The following EPX variants were observed in gnomAD, a reference collection of about 807,000 sequenced individuals.
EPX encodes eosinophil peroxidase.
EPX carries 60 observed loss-of-function variants against 73.0 expected under a neutral mutation model. The observed-to-expected ratio is 0.82, with a 90% CI of 0.67 to 1.02. The LOEUF is 1.02. Among genes scored for constraint, EPX ranks in the 50% least tolerant of loss-of-function variants. The pLI is 0.00. For synonymous variants in EPX, 347 were observed against 389.2 expected (o/e 0.89, Z 1.28); for missense variants, 950 against 973.9 (o/e 0.98, Z 0.33).
rs1242580430 is a variant in EPX, at chr17:58,199,795, G to C, written c.1537+1G>C. The C allele has an allele frequency of 6.2e-7, 1 of 1,609,480 alleles. No homozygotes were observed. ...GCCAGCTGGCGGATCGTGTATGAAG[G>C]TGACCAGGTTTTCCAGGGGGCAAAT... On this transcript the variant is annotated splice_donor_variant, in intron 9 of 12. Coordinates refer to ENST00000225371, the MANE Select transcript of EPX (RefSeq NM_000502.6). LOFTEE classifies it high-confidence loss of function.
At chr17:58,199,393 G>T in intron 8 of EPX, 146 bp from the exon 9 acceptor site, 1 of 1,120,252 alleles carries the variant, frequency 8.9e-7, no homozygotes, top group South Asian at 1.3e-5. Flanking sequence ...CCCTCTCTGG[G>T]CTTTGTATCT....
chr17:58,200,125 C>A, intron 9 of EPX, 100 bp from the exon 10 acceptor site: 1 of 1,152,584 alleles, frequency 8.7e-7, no homozygotes, highest in Non-Finnish European at 1.3e-6. Context: ...ACATACCCGA[C>A]TGGCTTGTCC....
In EPX at chr17:58,194,659, C is replaced by A. The variant is rs552079916; in HGVS notation, c.595-305C>A. Among the ~76,000 whole-genome samples the A allele has an allele frequency of 1.3e-4, 20 of 152,324 alleles. 1 individual carries two copies. In the East Asian group the frequency reaches 3.3e-3, roughly 25 times the overall value. On this transcript the variant is annotated intron_variant, in intron 5 of 12. Transcript: ENST00000225371. Reference sequence around the variant, plus strand: ...TATCATCTGGTTAGCTATCAGTGTACAAATTGATCTATCTATTTGATCTCC... The same window carrying A: ...TATCATCTGGTTAGCTATCAGTGTAAAAATTGATCTATCTATTTGATCTCC...
At position 58,200,315 on chromosome 17, in the gene EPX, G is replaced by C. The variant is rs189235341; in HGVS notation, c.1628G>C (p.Arg543Pro). ...ATGTTAGTGGATGAGCTCCGGGACCGGCTGTTTCGGCAAGTGAGGAGGATT... is the reference window on the plus strand; with the variant it reads ...ATGTTAGTGGATGAGCTCCGGGACCCGCTGTTTCGGCAAGTGAGGAGGATT... ...DAMLVDELRD[R>P]LFRQVRRIGL... is the part of the protein sequence containing the mutation. The change falls in exon 10 of 13, where the codon CGG becomes CCG. Residue 543 changes from arginine (R) to proline (P), a missense_variant. By Grantham distance (103) the Arg-to-Pro change is moderately radical. Coordinates refer to ENST00000225371, the MANE Select transcript of EPX (RefSeq NM_000502.6). 5 of 1,614,078 alleles carry C rather than the reference G, an allele frequency of 3.1e-6. No homozygotes were observed. Among genetic ancestry groups the C allele is most frequent in the Non-Finnish European group, 4.2e-6 (5 of 1,180,042 alleles).
chr17:58,203,729 G>A (rs996829007), intron 11 of EPX, among the ~76,000 whole-genome samples: 8 of 151,662 alleles, frequency 5.3e-5, no homozygotes, highest in African/African-American at 1.5e-4. Context: ...TCAGGAGATC[G>A]AGACCATCCC....
chr17:58,198,533 G>A (rs145926168), intron 7 of EPX, among the ~76,000 whole-genome samples: 316 of 152,262 alleles, frequency 2.1e-3, no homozygotes, highest in African/African-American at 6.2e-3. Flanking sequence ...AGGTCTGTTC[G>A]TAAGGACAGT....
intron 7 of EPX, among the ~76,000 whole-genome samples, chr17:58,197,726 C>G (rs1203258968): frequency 6.6e-6 from 1 of 152,188 alleles, no homozygotes; most frequent in Non-Finnish European, 1.5e-5. Context: ...TGTTGCTAGA[C>G]AGTTAATACC....
chr17:58,201,584 G>T (rs1481848274), intron 10 of EPX, among the ~76,000 whole-genome samples: 1 of 152,200 alleles, frequency 6.6e-6, no homozygotes, highest in African/African-American at 2.4e-5. Context: ...CGTATGGCTT[G>T]CTACCCAGCA....
rs761963882 is a variant in EPX, at chr17:58,194,039, C to A, written c.541C>A (p.Leu181Ile). 6.2e-7 allele frequency: 1 copy of A among 1,613,362 alleles called. No individual in the cohort carries two copies. Among genetic ancestry groups the A allele is most frequent in the African/African-American group, 1.3e-5 (1 of 74,942 alleles). Residue 181 changes from leucine to isoleucine, a missense_variant, in exon 5 of 13, where the codon CTC (leucine) becomes ATC (isoleucine). Leu to Ile is a conservative substitution (Grantham distance 5, BLOSUM62 2). Coordinates refer to ENST00000225371, the MANE Select transcript of EPX (RefSeq NM_000502.6). ...CGCCGAGTATGAGGATGGGCTGTCGCTCCCCTTCGGCTGGACCCCCAGCAG... is the reference window on the plus strand; with the variant it reads ...CGCCGAGTATGAGGATGGGCTGTCGATCCCCTTCGGCTGGACCCCCAGCAG... ...LPAEYEDGLS[L>I]PFGWTPSRRR...
chr17:58,201,617 T>G (rs534473395), intron 10 of EPX, among the ~76,000 whole-genome samples: 70 of 152,348 alleles, frequency 4.6e-4, no homozygotes, highest in African/African-American at 1.6e-3. Context: ...GATGTACCTA[T>G]GATCAGGTCC....
At chr17:58,196,776 A>T (rs1022476444) in intron 6 of EPX, among the ~76,000 whole-genome samples, 163 bp from the exon 7 acceptor site, 1 of 152,178 alleles carries the variant, frequency 6.6e-6, no homozygotes, top group Non-Finnish European at 1.5e-5. Flanking sequence ...AATGTTAAGG[A>T]CACTCAGACT....
Position 58,203,246 on chromosome 17 carries a change from C to T in EPX, c.1874C>T (p.Pro625Leu), listed in dbSNP as rs147923930. ...WIGAIAEPLL[P>L]GARVGPLLAC... ...GGGGCCATCGCTGAGCCTCTTTTGC[C>T]GGGGGCTCGAGTGGGGCCTCTTCTG... The change falls in exon 11 of 13, where the codon CCG becomes CTG. Residue 625 changes from proline (P) to leucine (L), a missense_variant. Pro to Leu is a moderately conservative substitution (Grantham distance 98). Transcript: ENST00000225371. 11 of 1,613,978 alleles carry T rather than the reference C, an allele frequency of 6.8e-6. No homozygotes were observed. Among genetic ancestry groups the T allele is most frequent in the African/African-American group, 6.7e-5 (5 of 74,922 alleles).
At position 58,192,924 on chromosome 17, in the gene EPX, T is replaced by G; in HGVS notation, c.76+2T>G. 7 of 1,613,626 alleles carry G rather than the reference T, an allele frequency of 4.3e-6. No homozygotes were observed. Among genetic ancestry groups the G allele is most frequent in the Non-Finnish European group, 5.9e-6 (7 of 1,179,640 alleles). On this transcript the variant is annotated splice_donor_variant, in intron 1 of 12. Transcript: ENST00000225371. LOFTEE classifies it high-confidence loss of function. ...AGCCCTGTGAGGGCACTGACCCAGG[T>G]AATAGTCCCCTAGACAGGCAAGGAG...
chr17:58,194,719 A>G (rs1164114885), intron 5 of EPX, among the ~76,000 whole-genome samples: 1 of 152,196 alleles, frequency 6.6e-6, no homozygotes, highest in African/African-American at 2.4e-5. Context: ...GGTCTGAGCC[A>G]GTCAACCTAG....
rs1258086553 is a variant in EPX at position 58,197,204 on chromosome 17, A to G, written c.1067A>G (p.Asp356Gly). Reference sequence around the variant, plus strand: ...CTGCTGCCCTTCGACAACCTGCACGATGACCCCTGTCTCCTCACCAACCGC... The same window carrying G: ...CTGCTGCCCTTCGACAACCTGCACGGTGACCCCTGTCTCCTCACCAACCGC... The part of the protein sequence containing the change: ...RALLPFDNLH[D>G]DPCLLTNRSA... Residue 356 changes from aspartate (D) to glycine (G), a missense_variant, in exon 7 of 13, where the codon GAT (aspartate) becomes GGT (glycine). Transcript: ENST00000225371. 4 of 1,613,664 alleles carry G rather than the reference A, an allele frequency of 2.5e-6. No individual in the cohort carries two copies. Among genetic ancestry groups the G allele is most frequent in the South Asian group, 2.2e-5 (2 of 91,082 alleles).
intron 8 of EPX, 85 bp from the exon 9 acceptor site, chr17:58,199,454 A>T: frequency 6.8e-7 from 1 of 1,464,712 alleles, no homozygotes. Context: ...GATGACAATA[A>T]AGAATATGTC....
chr17:58,197,739 C>T (rs777895825), intron 7 of EPX, among the ~76,000 whole-genome samples: 4 of 152,192 alleles, frequency 2.6e-5, no homozygotes, highest in Non-Finnish European at 4.4e-5. Flanking sequence ...TTAATACCCT[C>T]TTCTGGAAGC....
chr17:58,200,402 G>A lies in EPX; in HGVS notation c.1708+7G>A, dbSNP rs551768273. ...CGGGACCACGGCCTTCCAGGTGAGGGGGCTGTCCACCTCTTCTCCCAGCTT... is the reference window on the plus strand; with the variant it reads ...CGGGACCACGGCCTTCCAGGTGAGGAGGCTGTCCACCTCTTCTCCCAGCTT... On this transcript the variant is annotated splice_region_variant and intron_variant, in intron 10 of 12. Coordinates refer to ENST00000225371, the MANE Select transcript of EPX (RefSeq NM_000502.6). The A allele has an allele frequency of 1.2e-6, 2 of 1,613,696 alleles. No individual in the cohort carries two copies. Among genetic ancestry groups the A allele is most frequent in the East Asian group, 2.2e-5 (1 of 44,870 alleles).
At chr17:58,195,680 G>A (rs563996272) in intron 6 of EPX, among the ~76,000 whole-genome samples, 20 of 151,216 alleles carry the variant, frequency 1.3e-4, no homozygotes, top group African/African-American at 3.9e-4. Context: ...GTTGACACAC[G>A]TGCACACACA....
Sources: gnomAD v4.1 joint callset for allele counts (sites outside exome capture counted in the v4.1 genomes callset) on GRCh38, gnomAD v4.1.1 for gene constraint, MANE v1.5 for transcripts, NCBI Gene and HGNC (gene_info 2026-07-23, HGNC 2026-07-21) for gene names.